Variants in KIAA1549L observed in about 807,000 individuals in gnomAD.
KIAA1549L encodes the protein UPF0606 protein KIAA1549L.
In KIAA1549L, 88 loss-of-function variants were observed where a neutral mutation model predicts 160.7. That is an observed-to-expected ratio of 0.55 (90% CI 0.46 to 0.65). The LOEUF is 0.65. KIAA1549L is among the 30% of genes least tolerant of loss of function. KIAA1549L has a pLI of 0.00. For synonymous variants in KIAA1549L, 950 were observed against 976.7 expected (o/e 0.97, Z 0.51); for missense variants, 2,258 against 2,437.5 (o/e 0.93, Z 1.55).
chr11:33,567,147 A>T (rs1315558521), intron 8 of KIAA1549L, among the ~76,000 whole-genome samples: 1 of 152,186 alleles, frequency 6.6e-6, no homozygotes, highest in African/African-American at 2.4e-5. Context: ...ACCATCATTC[A>T]TGCCTTACCT....
chr11:33,559,721 C>T lies in KIAA1549L; in HGVS notation c.3856-28C>T, dbSNP rs548862565. Reference sequence around the variant, plus strand: ...ACCCTGGTCTTATTTGGCCTGTCTCCCTCCCCTTTTCTCCTGTGTTGATTC... The same window carrying T: ...ACCCTGGTCTTATTTGGCCTGTCTCTCTCCCCTTTTCTCCTGTGTTGATTC... On this transcript the variant is annotated intron_variant, in intron 6 of 20. Coordinates refer to ENST00000658780, the MANE Select transcript of KIAA1549L (RefSeq NM_012194.3). 9 of 1,608,774 alleles carry T rather than the reference C, an allele frequency of 5.6e-6. No homozygotes were observed. In the East Asian group the frequency reaches 2.0e-4, roughly 36 times the overall value.
chr11:33,618,568 A>G lies in KIAA1549L; in HGVS notation c.5315A>G (p.Gln1772Arg). ...AAGAACTCTGTCTACAGAAGCCGGCAGTCTCTGAACAGCCCGAGTCCAGGG... is the reference window on the plus strand; with the variant it reads ...AAGAACTCTGTCTACAGAAGCCGGCGGTCTCTGAACAGCCCGAGTCCAGGG... ...QMKNSVYRSR[Q>R]SLNSPSPGET... The change falls in exon 16 of 21, where the codon CAG (glutamine) becomes CGG (arginine). Residue 1772 changes from glutamine (Q) to arginine (R), a missense_variant. Coordinates refer to ENST00000658780, the MANE Select transcript of KIAA1549L (RefSeq NM_012194.3). The G allele has an allele frequency of 6.2e-7, 1 of 1,610,552 alleles. No homozygotes were observed. The highest frequency in any genetic ancestry group is 1.1e-5 in the South Asian group (1 of 90,698).
intron 1 of KIAA1549L, among the ~76,000 whole-genome samples, chr11:33,467,360 C>T (rs182391594): frequency 1.7e-4 from 26 of 152,244 alleles, no homozygotes; most frequent in African/African-American, 5.5e-4. Context: ...CACAAGCACA[C>T]ACATACTAAT....
At chr11:33,547,740 C>T (rs781680478) in intron 3 of KIAA1549L, 24 bp from the exon 4 acceptor site, 26 of 1,478,046 alleles carry the variant, frequency 1.8e-5, no homozygotes, top group Non-Finnish European at 2.4e-5. Context: ...TGCCTGATTG[C>T]CATGCTTCTA....
chr11:33,425,995 A>C (rs1376352846), intron 1 of KIAA1549L, among the ~76,000 whole-genome samples: 1 of 152,220 alleles, frequency 6.6e-6, no homozygotes, highest in African/African-American at 2.4e-5. Context: ...AAGACAAAGA[A>C]AGACTGAGGA....
intron 11 of KIAA1549L, among the ~76,000 whole-genome samples, chr11:33,584,607 C>A (rs1363086837): frequency 1.3e-5 from 2 of 152,246 alleles, no homozygotes; most frequent in Non-Finnish European, 2.9e-5. Flanking sequence ...ATTTGCTGGG[C>A]TCCTCGAGGA....
Position 33,666,357 on chromosome 11 carries a change from C to T in KIAA1549L, c.6160-1516C>T, listed in dbSNP as rs549612125. ...ATGGCAGCAGCCTCTGCCATCAGTACGCCCATACATTTTGATTTGATGATT... is the reference window on the plus strand; with the variant it reads ...ATGGCAGCAGCCTCTGCCATCAGTATGCCCATACATTTTGATTTGATGATT... On this transcript the variant is annotated intron_variant, in intron 20 of 20. Coordinates refer to ENST00000658780, the MANE Select transcript of KIAA1549L (RefSeq NM_012194.3). Among the ~76,000 whole-genome samples the T allele has an allele frequency of 5.3e-5, 8 of 152,302 alleles. No homozygotes were observed. The East Asian group carries it at 7.7e-4, about 15-fold the overall frequency.
At chr11:33,577,287 G>A (rs1855482877) in intron 10 of KIAA1549L, among the ~76,000 whole-genome samples, 1 of 152,212 alleles carries the variant, frequency 6.6e-6, no homozygotes, top group South Asian at 2.1e-4. Flanking sequence ...AGCAGTGACA[G>A]CAAAAGAGAG....
chr11:33,388,608 T>G (rs1211883549), intron 1 of KIAA1549L, among the ~76,000 whole-genome samples: 1 of 152,236 alleles, frequency 6.6e-6, no homozygotes, highest in Non-Finnish European at 1.5e-5. Context: ...AACTTGCTTT[T>G]CCCGTTAACA....
At chr11:33,467,228 C>T (rs1250626100) in intron 1 of KIAA1549L, among the ~76,000 whole-genome samples, 1 of 151,894 alleles carries the variant, frequency 6.6e-6, no homozygotes, top group Non-Finnish European at 1.5e-5. Flanking sequence ...TTTGGAGAAG[C>T]AGCAGCCAGT....
intron 11 of KIAA1549L, among the ~76,000 whole-genome samples, chr11:33,586,007 C>T (rs1849859321): frequency 6.6e-6 from 1 of 152,226 alleles, no homozygotes; most frequent in Non-Finnish European, 1.5e-5. Flanking sequence ...CAGGGTGGAA[C>T]TGCCTCCTGC....
chr11:33,598,718 A>T lies in KIAA1549L; in HGVS notation c.4752-102A>T, dbSNP rs189481545. On this transcript the variant is annotated intron_variant, in intron 12 of 20. Coordinates refer to ENST00000658780, the MANE Select transcript of KIAA1549L (RefSeq NM_012194.3). Reference sequence around the variant, plus strand: ...TTTCCTCTTTGTCCATTAAACTGGAATGAAAGGCTACAGACATTAAACTGT... The same window carrying T: ...TTTCCTCTTTGTCCATTAAACTGGATTGAAAGGCTACAGACATTAAACTGT... 50 of 1,361,274 alleles carry T rather than the reference A, an allele frequency of 3.7e-5. No homozygotes were observed. The Admixed American group carries it at 1.1e-3, about 29-fold the overall frequency. 84.3% of individuals were successfully genotyped at this position (1,361,274 alleles called of 1,614,324 possible).
chr11:33,584,964 T>C (rs1855764442), intron 11 of KIAA1549L, among the ~76,000 whole-genome samples: 2 of 152,076 alleles, frequency 1.3e-5, no homozygotes, highest in Non-Finnish European at 2.9e-5. Flanking sequence ...CTTGCGGGGG[T>C]CACGCATGCC....
chr11:33,513,832 G>A (rs1270457301), intron 1 of KIAA1549L, among the ~76,000 whole-genome samples: 1 of 152,202 alleles, frequency 6.6e-6, no homozygotes, highest in Non-Finnish European at 1.5e-5. Context: ...GGGGCTGTGT[G>A]CTAGATAGAT....
intron 17 of KIAA1549L, among the ~76,000 whole-genome samples, chr11:33,651,808 C>G (rs937106200): frequency 6.6e-6 from 1 of 150,502 alleles, no homozygotes; most frequent in Non-Finnish European, 1.5e-5. Context: ...CCGAGGGACA[C>G]TCAGCACTGA....
chr11:33,543,327 G>C lies in KIAA1549L; in HGVS notation c.1764G>C (p.Glu588Asp), dbSNP rs2133177187. Residue 588 changes from glutamate to aspartate, a missense_variant, in exon 2 of 21, where the codon GAG (glutamate) becomes GAC (aspartate). Glu to Asp is a conservative substitution (Grantham distance 45). Coordinates refer to ENST00000658780, the MANE Select transcript of KIAA1549L (RefSeq NM_012194.3). ...TIPLQAFPRKEVLSLHTVNGF... is the reference protein window; with the variant it reads ...TIPLQAFPRKDVLSLHTVNGF... ...CTCTCCAGGCCTTTCCAAGGAAAGA[G>C]GTTTTGAGTCTTCACACTGTAAATG... 1 of 1,614,054 alleles carries C rather than the reference G, an allele frequency of 6.2e-7. No individual in the cohort carries two copies. Among genetic ancestry groups the C allele is most frequent in the South Asian group, 1.1e-5 (1 of 91,090 alleles).
chr11:33,591,158 CT>C (rs1157867403), intron 11 of KIAA1549L, 78 bp from the exon 12 acceptor site: 2 of 1,012,500 alleles, frequency 2.0e-6, no homozygotes, highest in Admixed American at 2.3e-5. Flanking sequence ...CATCTTTTTG[CT>C]GCCTGTCATC....
intron 1 of KIAA1549L, among the ~76,000 whole-genome samples, chr11:33,493,887 G>A (rs1294457526): frequency 1.3e-5 from 2 of 152,202 alleles, no homozygotes; most frequent in Non-Finnish European, 2.9e-5. Flanking sequence ...GATGATTGGA[G>A]TGCAGTCATT....
At chr11:33,426,393 G>A (rs1034513177) in intron 1 of KIAA1549L, among the ~76,000 whole-genome samples, 3 of 152,156 alleles carry the variant, frequency 2.0e-5, no homozygotes, top group African/African-American at 7.2e-5. Flanking sequence ...GAGCTAGAAA[G>A]ACCAATTTTC....
Sources: gnomAD v4.1 joint callset for allele counts (sites outside exome capture counted in the v4.1 genomes callset) on GRCh38, gnomAD v4.1.1 for gene constraint, MANE v1.5 for transcripts, NCBI Gene and HGNC (gene_info 2026-07-23, HGNC 2026-07-21) for gene names.